Variants in MAPK10 observed in about 807,000 individuals in gnomAD.
The protein encoded by MAPK10 is mitogen-activated protein kinase 10.
In MAPK10, 25 loss-of-function variants were observed where a neutral mutation model predicts 59.3. The ratio of observed to expected loss-of-function variants is 0.42; its 90% CI spans 0.31 to 0.59. MAPK10 has a LOEUF of 0.59. Ranked by LOEUF, MAPK10 falls within the 20% of genes least tolerant of loss-of-function variation. The pLI, the probability that MAPK10 is intolerant of heterozygous loss-of-function variation, is 0.15. For missense variants in MAPK10, 351 were observed against 568.9 expected (o/e 0.62, Z 3.90); for synonymous variants, 190 against 200.5 (o/e 0.95, Z 0.44).
chr4:86,170,168 C>T (rs1447600038), intron 3 of MAPK10, among the ~76,000 whole-genome samples: 1 of 151,248 alleles, frequency 6.6e-6, no homozygotes, highest in Non-Finnish European at 1.5e-5. Flanking sequence ...AGCAAAATAA[C>T]CAGCTAACAT....
At chr4:86,151,501 G>A (rs1013701269) in intron 4 of MAPK10, among the ~76,000 whole-genome samples, 5 of 152,162 alleles carry the variant, frequency 3.3e-5, no homozygotes, top group Non-Finnish European at 7.3e-5. Flanking sequence ...CTTCCAGCAG[G>A]AGCAGAGAAA....
In MAPK10 at chr4:86,101,036, C is replaced by T; in HGVS notation, c.730+16G>A. On this transcript the variant is annotated intron_variant, in intron 8 of 13. Transcript: ENST00000641462. The stretch of plus-strand genomic sequence containing the variant: ...TCATTCATGGTTTTGATGCTGCTCT[C>T]CCGAAGCATCCCTACCGTTCTCCTT... 6.2e-7 allele frequency: 1 copy of T among 1,611,488 alleles called. No individual in the cohort carries two copies. The highest frequency in any genetic ancestry group is 8.5e-7 in the Non-Finnish European group (1 of 1,178,206).
chr4:86,155,000 C>A (rs1052907715), intron 4 of MAPK10, among the ~76,000 whole-genome samples: 3 of 152,044 alleles, frequency 2.0e-5, no homozygotes, highest in Non-Finnish European at 4.4e-5. Flanking sequence ...TATTTACCAA[C>A]CCTTTAGGGA....
intron 2 of MAPK10, among the ~76,000 whole-genome samples, chr4:86,207,270 G>A (rs1582811385): frequency 1.3e-5 from 2 of 151,764 alleles, no homozygotes; most frequent in Admixed American, 6.6e-5. Flanking sequence ...CATATGGCTA[G>A]CCAGTTTTTC....
intron 12 of MAPK10, 66 bp from the exon 13 acceptor site, chr4:86,029,340 CTT>C: frequency 1.1e-6 from 1 of 950,082 alleles, no homozygotes; most frequent in Non-Finnish European, 1.7e-6. Flanking sequence ...AAATTCATTA[CTT>C]AATGCCAAAT....
intron 4 of MAPK10, among the ~76,000 whole-genome samples, chr4:86,128,388 C>T (rs2060434194): frequency 6.6e-6 from 1 of 152,010 alleles, no homozygotes; most frequent in Non-Finnish European, 1.5e-5. Flanking sequence ...TAATCATGGG[C>T]CGGTTTCCCC....
At chr4:86,320,701 C>T (rs1578202186) in intron 2 of MAPK10, among the ~76,000 whole-genome samples, 1 of 152,188 alleles carries the variant, frequency 6.6e-6, no homozygotes, top group South Asian at 2.1e-4. Flanking sequence ...GTTGCCATTG[C>T]TTTTGGTGTT....
At chr4:86,131,229 T>C (rs1315717849) in intron 4 of MAPK10, among the ~76,000 whole-genome samples, 3 of 152,278 alleles carry the variant, frequency 2.0e-5, no homozygotes, top group African/African-American at 4.8e-5. Flanking sequence ...TTCATTTTGA[T>C]AGATGAAAAA....
At chr4:86,171,275 T>G (rs1273788367) in intron 3 of MAPK10, among the ~76,000 whole-genome samples, 2 of 152,098 alleles carry the variant, frequency 1.3e-5, no homozygotes, top group African/African-American at 4.8e-5. Flanking sequence ...AAAAAATTAA[T>G]GAACCTAGGA....
chr4:86,295,833 A>ATT (rs56083217), intron 2 of MAPK10, among the ~76,000 whole-genome samples: 3 of 147,670 alleles, frequency 2.0e-5, no homozygotes, highest in Non-Finnish European at 4.5e-5. Context: ...CCCAAGGGCT[A>ATT]TTTTTTTCCC....
In MAPK10 at chr4:86,017,116, T is replaced by A; in HGVS notation, c.*112A>T. ...TTTAGGCTTGGATTCTCTCCCTTGC[T>A]GTTTTCTTGATGTTGTGTGTCTGCA... On this transcript the variant is annotated 3_prime_UTR_variant, in exon 14 of 14. Transcript: ENST00000641462. The surrounding 1 kb of genome is among the most constrained non-coding windows in gnomAD (Gnocchi z 4.4). 8.5e-7 allele frequency: 1 copy of A among 1,183,074 alleles called. No individual in the cohort carries two copies. The highest frequency in any genetic ancestry group is 2.4e-5 in the East Asian group (1 of 42,004). The allele number at this position is 1,183,074 out of a possible 1,614,324, so 73.3% of individuals were successfully genotyped here. A position where few individuals can be genotyped will look rare whatever the true frequency, so the allele number is the denominator to read the frequency against.
intron 1 of MAPK10, among the ~76,000 whole-genome samples, chr4:86,497,778 T>C (rs1165216227): frequency 6.6e-6 from 1 of 152,078 alleles, no homozygotes; most frequent in East Asian, 1.9e-4. Context: ...AATATGAAGT[T>C]GAGAAGATAC....
chr4:86,269,092 A>G (rs1304937061), intron 2 of MAPK10, among the ~76,000 whole-genome samples: 1 of 152,178 alleles, frequency 6.6e-6, no homozygotes, highest in Non-Finnish European at 1.5e-5. Context: ...TTGAGGCTAT[A>G]TGAAGGTGAA....
chr4:86,440,613 G>C (rs1384259395), intron 1 of MAPK10, among the ~76,000 whole-genome samples: 4 of 146,774 alleles, frequency 2.7e-5, no homozygotes, highest in Non-Finnish European at 4.5e-5. Context: ...GGGTGACAGA[G>C]CGAGATCCTG....
At chr4:86,216,146 T>C (rs1258934788) in intron 2 of MAPK10, among the ~76,000 whole-genome samples, 7 of 151,578 alleles carry the variant, frequency 4.6e-5, no homozygotes, top group Non-Finnish European at 1.0e-4. Context: ...GAAAGCAGGG[T>C]CTCAAAAAGA....
Position 86,543,877 on chromosome 4 carries a change from TAAAC to T in MAPK10, c.-263+50029_-263+50032del, listed in dbSNP as rs1232426509. The stretch of plus-strand genomic sequence containing the variant: ...ACACTGGAAGAAAAAGTCATTTCAC[TAAAC>T]AAACAAACAAAAATACCAACAACAA... On this transcript the variant is annotated intron_variant, in intron 1 of 4. Coordinates refer to the MAPK10 transcript ENST00000502302. 9.2e-5 allele frequency among the ~76,000 whole-genome samples: 14 copies of T among 152,266 alleles called. No individual in the cohort carries two copies. In the East Asian group the frequency reaches 2.1e-3, roughly 23 times the overall value.
chr4:86,381,561 A>G (rs1014944889), intron 1 of MAPK10, among the ~76,000 whole-genome samples: 2 of 152,120 alleles, frequency 1.3e-5, no homozygotes, highest in Non-Finnish European at 2.9e-5. Context: ...AGGATACTGG[A>G]AGGCAGGAGA....
At chr4:86,214,077 T>C (rs1433083586) in intron 2 of MAPK10, among the ~76,000 whole-genome samples, 1 of 152,034 alleles carries the variant, frequency 6.6e-6, no homozygotes, top group African/African-American at 2.4e-5. Flanking sequence ...TGGTTCAACA[T>C]ACAAAAATCA....
At chr4:86,270,975 A>T (rs1289862637) in intron 2 of MAPK10, among the ~76,000 whole-genome samples, 1 of 152,100 alleles carries the variant, frequency 6.6e-6, no homozygotes, top group African/African-American at 2.4e-5. Context: ...GCTGCTATAA[A>T]CATTTACATA....
Sources: allele counts gnomAD v4.1 joint callset (sites outside exome capture counted in the v4.1 genomes callset), GRCh38; gene constraint gnomAD v4.1.1; non-coding constraint Gnocchi (gnomAD v3.1); transcripts MANE v1.5; gene names NCBI Gene and HGNC (gene_info 2026-07-23, HGNC 2026-07-21).